The following DSCAM variants were observed in gnomAD, a reference collection of about 807,000 sequenced individuals.
DSCAM encodes DS cell adhesion molecule, also known as cell adhesion molecule DSCAM.
A neutral mutation model predicts 217.7 loss-of-function variants in DSCAM; 47 were observed. The ratio of observed to expected loss-of-function variants is 0.22; its 90% CI spans 0.17 to 0.28. The LOEUF (loss-of-function observed/expected upper bound fraction) is 0.28, where lower values mean the gene tolerates loss of function less well. Among genes scored for constraint, DSCAM ranks in the 10% least tolerant of loss-of-function variants. The pLI, the probability that DSCAM is intolerant of heterozygous loss-of-function variation, is 1.00. For missense variants in DSCAM, 2,080 were observed against 2,618.3 expected (o/e 0.79, Z 4.49); for synonymous variants, 1,056 against 1,015.3 (o/e 1.04, Z -0.76).
intron 3 of DSCAM, among the ~76,000 whole-genome samples, chr21:40,525,030 A>AAAAAAAAAAAAAAAAAC (rs2076389800): frequency 1.3e-5 from 2 of 151,218 alleles, no homozygotes; most frequent in Non-Finnish European, 1.5e-5. Context: ...AAAAAAAAAA[A>AAAAAAAAAAAAAAAAAC]ATCCATTCAC....
At chr21:40,661,194 T>C (rs938347852) in intron 3 of DSCAM, among the ~76,000 whole-genome samples, 4 of 152,204 alleles carry the variant, frequency 2.6e-5, no homozygotes, top group African/African-American at 9.7e-5. Context: ...ATTTGAAAAA[T>C]ACACTGTGTT....
At chr21:40,405,109 G>A (rs181703422) in intron 3 of DSCAM, among the ~76,000 whole-genome samples, 1 of 152,252 alleles carries the variant, frequency 6.6e-6, no homozygotes, top group African/African-American at 2.4e-5. Flanking sequence ...CATAGCCCAT[G>A]GCCCCCAGGA....
chr21:40,586,291 GAACCATAAGCC>G (rs1477366268), intron 3 of DSCAM, among the ~76,000 whole-genome samples: 2 of 152,178 alleles, frequency 1.3e-5, no homozygotes, highest in African/African-American at 2.4e-5. Context: ...ACAACCTGCA[GAACCATAAGCC>G]AAATGAACCT....
intron 3 of DSCAM, among the ~76,000 whole-genome samples, chr21:40,505,839 C>G (rs73362970): frequency 0.08 from 12,131 of 152,254 alleles, 811 homozygotes; most frequent in African/African-American, 0.18. Context: ...TCCAGTCCCT[C>G]TGTGTGTGGT....
At chr21:40,402,634 A>G (rs1043667092) in intron 3 of DSCAM, among the ~76,000 whole-genome samples, 1 of 151,994 alleles carries the variant, frequency 6.6e-6, no homozygotes, top group South Asian at 2.1e-4. Context: ...AGGATTAAAA[A>G]AAATGGCACT....
At chr21:40,453,920 A>C (rs978585945) in intron 3 of DSCAM, among the ~76,000 whole-genome samples, 4 of 152,188 alleles carry the variant, frequency 2.6e-5, no homozygotes, top group South Asian at 2.1e-4. Flanking sequence ...AGCAGGGGAT[A>C]TGTCCTTGGC....
intron 3 of DSCAM, among the ~76,000 whole-genome samples, chr21:40,592,472 G>A (rs925923283): frequency 4.6e-5 from 7 of 152,080 alleles, no homozygotes; most frequent in Non-Finnish European, 8.8e-5. Context: ...TAAAGACCTC[G>A]CTATCATTTT....
intron 1 of DSCAM, among the ~76,000 whole-genome samples, chr21:40,805,148 CTCT>C: frequency 6.6e-6 from 1 of 152,344 alleles, no homozygotes; most frequent in African/African-American, 2.4e-5. Flanking sequence ...TCTGCTACTT[CTCT>C]TCTTATAATA....
At chr21:40,487,828 C>G (rs542945066) in intron 3 of DSCAM, among the ~76,000 whole-genome samples, 1 of 152,102 alleles carries the variant, frequency 6.6e-6, no homozygotes, top group African/African-American at 2.4e-5. Context: ...ATAGATGGTT[C>G]TGCTATTCAC....
intron 3 of DSCAM, among the ~76,000 whole-genome samples, chr21:40,662,715 C>A (rs9636973): frequency 0.35 from 52,480 of 151,962 alleles, 10,484 homozygotes; most frequent in Non-Finnish European, 0.45. Context: ...CACAAGACCA[C>A]TCACTTCCTT....
At chr21:40,319,804 C>G (rs1472162605) in intron 8 of DSCAM, among the ~76,000 whole-genome samples, 4 of 152,178 alleles carry the variant, frequency 2.6e-5, no homozygotes. Context: ...TTTCACAATT[C>G]TCACTCAGAG....
At chr21:40,141,010 G>A (rs2090283794) in intron 18 of DSCAM, among the ~76,000 whole-genome samples, 2 of 152,182 alleles carry the variant, frequency 1.3e-5, no homozygotes, top group South Asian at 4.1e-4. Flanking sequence ...AAGGCATGAG[G>A]TCTGCTCTCA....
chr21:40,845,141 G>A (rs2092133846), intron 1 of DSCAM, among the ~76,000 whole-genome samples: 1 of 152,210 alleles, frequency 6.6e-6, no homozygotes, highest in Admixed American at 6.5e-5. Context: ...CAGGTATGGT[G>A]CCCTCTGGGA....
At chr21:40,393,709 T>C (rs2075154455) in intron 3 of DSCAM, among the ~76,000 whole-genome samples, 1 of 152,176 alleles carries the variant, frequency 6.6e-6, no homozygotes, top group East Asian at 1.9e-4. Flanking sequence ...TACATATATA[T>C]AGTATTTAGA....
At chr21:40,369,385 CGT>C (rs35564463) in intron 3 of DSCAM, 140 bp from the exon 4 acceptor site, 54,130 of 383,152 alleles carry the variant, frequency 0.14, 1,464 homozygotes, top group Middle Eastern at 0.19. Context: ...CGTGCGTCTG[CGT>C]GTGTGTGTGT....
intron 20 of DSCAM, among the ~76,000 whole-genome samples, chr21:40,107,583 C>T (rs1434874052): frequency 1.3e-5 from 2 of 152,024 alleles, no homozygotes; most frequent in African/African-American, 4.8e-5. Context: ...AATGATCTGT[C>T]TAATATTGTC....
intron 11 of DSCAM, among the ~76,000 whole-genome samples, chr21:40,245,554 G>A (rs2146950280): frequency 6.6e-6 from 1 of 152,316 alleles, no homozygotes; most frequent in African/African-American, 2.4e-5. Flanking sequence ...CAGCAAGTCA[G>A]GGGAATTTTG....
intron 5 of DSCAM, 108 bp downstream of exon 5, chr21:40,353,357 G>C (rs539725907): frequency 6.9e-7 from 1 of 1,458,726 alleles, no homozygotes; most frequent in East Asian, 2.4e-5. Context: ...CAGCTGGACT[G>C]TTTTGGGAGT....
At chr21:40,778,932 G>A (rs2091514125) in intron 1 of DSCAM, among the ~76,000 whole-genome samples, 1 of 150,942 alleles carries the variant, frequency 6.6e-6, no homozygotes, top group African/African-American at 2.4e-5. Flanking sequence ...GCTGAGGCAG[G>A]AGAATCACTT....
Sources: allele counts gnomAD v4.1 joint callset (sites outside exome capture counted in the v4.1 genomes callset), GRCh38; gene constraint gnomAD v4.1.1; transcripts MANE v1.5; gene names NCBI Gene and HGNC (gene_info 2026-07-23, HGNC 2026-07-21).